DOCK5: variants seen among roughly 807,000 people sequenced by gnomAD.
The protein encoded by DOCK5 is dedicator of cytokinesis 5.
Under a neutral mutation model 251.8 loss-of-function variants are expected in DOCK5, and 142 were observed. The ratio of observed to expected loss-of-function variants is 0.56; its 90% CI spans 0.49 to 0.65. DOCK5 has a LOEUF of 0.65. Ranked by LOEUF, DOCK5 falls within the 30% of genes least tolerant of loss-of-function variation. DOCK5 has a pLI of 0.00. For synonymous variants in DOCK5, 842 were observed against 835.5 expected, an observed-to-expected ratio of 1.01 and a Z score of -0.13; for missense variants, 2,111 against 2,312.3, an observed-to-expected ratio of 0.91 and a Z score of 1.79.
intron 2 of DOCK5, among the ~76,000 whole-genome samples, chr8:25,247,241 C>T (rs1803141160): frequency 6.6e-6 from 1 of 152,026 alleles, no homozygotes; most frequent in Non-Finnish European, 1.5e-5. Context: ...TTTTATGTGA[C>T]CTCAGCGTAT....
At chr8:25,223,605 G>A (rs1379180784) in intron 1 of DOCK5, among the ~76,000 whole-genome samples, 1 of 152,232 alleles carries the variant, frequency 6.6e-6, no homozygotes, top group East Asian at 1.9e-4. Context: ...GTGAGCCACT[G>A]CTTCTGGGAC....
chr8:25,223,903 A>G (rs1265728003), intron 1 of DOCK5, among the ~76,000 whole-genome samples: 1 of 152,212 alleles, frequency 6.6e-6, no homozygotes. Flanking sequence ...CATAACAGAC[A>G]GTTTCCCTGA....
intron 26 of DOCK5, among the ~76,000 whole-genome samples, chr8:25,350,592 CCA>C (rs1450984918): frequency 6.6e-6 from 1 of 152,180 alleles, no homozygotes; most frequent in Non-Finnish European, 1.5e-5. Context: ...TAACAAAATA[CCA>C]CAGACTGCGT....
intron 1 of DOCK5, among the ~76,000 whole-genome samples, chr8:25,218,332 T>C (rs1349166539): frequency 6.6e-6 from 1 of 152,214 alleles, no homozygotes; most frequent in Non-Finnish European, 1.5e-5. Flanking sequence ...CTGATTATCA[T>C]AGGGCATCCC....
At chr8:25,347,144 T>C (rs138811190) in intron 26 of DOCK5, among the ~76,000 whole-genome samples, 1 of 152,346 alleles carries the variant, frequency 6.6e-6, no homozygotes, top group African/African-American at 2.4e-5. Context: ...CCTTTTCCCA[T>C]AGCTAAACCG....
At chr8:25,353,653 G>A (rs1201563296) in intron 27 of DOCK5, among the ~76,000 whole-genome samples, 1 of 151,938 alleles carries the variant, frequency 6.6e-6, no homozygotes, top group East Asian at 1.9e-4. Flanking sequence ...TAATATTGCT[G>A]TTAATCACTT....
rs755068124 is a variant in DOCK5, at chr8:25,382,751, T to C, written c.4104T>C (p.Tyr1368=). ...PQPEYFAVGY[Y]GQGFPSFLRN... is the part of the protein sequence containing the mutation. ...CTGAATACTTTGCTGTTGGATACTA[T>C]GGACAGGGCTTTCCTTCTTTCCTAC... Residue 1368 remains tyrosine, a synonymous_variant, in exon 40 of 52, where the codon TAT becomes TAC. Coordinates refer to ENST00000276440, the MANE Select transcript of DOCK5 (RefSeq NM_024940.8). 20 of 1,613,820 alleles carry C rather than the reference T, an allele frequency of 1.2e-5. No homozygotes were observed. The highest frequency in any genetic ancestry group is 1.6e-5 in the Non-Finnish European group (19 of 1,179,794).
At chr8:25,364,596 G>A in intron 29 of DOCK5, 30 bp from the exon 30 acceptor site, 1 of 1,529,842 alleles carries the variant, frequency 6.5e-7, no homozygotes, top group Non-Finnish European at 9.0e-7. Flanking sequence ...CATACAGTTG[G>A]CTTCTTTATC....
intron 48 of DOCK5, among the ~76,000 whole-genome samples, chr8:25,404,681 A>G (rs1801493984): frequency 6.6e-6 from 1 of 152,144 alleles, no homozygotes; most frequent in African/African-American, 2.4e-5. Context: ...GTGACAATGA[A>G]TAACCTTAAA....
chr8:25,339,019 G>T (rs1300810753), intron 22 of DOCK5, among the ~76,000 whole-genome samples: 1 of 152,110 alleles, frequency 6.6e-6, no homozygotes, highest in Non-Finnish European at 1.5e-5. Flanking sequence ...GTCTGTGATG[G>T]CCTGCGTGTG....
chr8:25,271,087 A>G (rs967729481), intron 3 of DOCK5: 1 of 368,360 alleles, frequency 2.7e-6, no homozygotes. Context: ...AAATCAGTCT[A>G]GCTAATAGTG....
intron 26 of DOCK5, among the ~76,000 whole-genome samples, chr8:25,349,066 C>T (rs1800421582): frequency 6.6e-6 from 1 of 152,014 alleles, no homozygotes; most frequent in African/African-American, 2.4e-5. Flanking sequence ...AAATGGGAAA[C>T]AAGTAAATGA....
intron 1 of DOCK5, among the ~76,000 whole-genome samples, chr8:25,190,458 G>C (rs796885235): frequency 2.0e-5 from 3 of 152,270 alleles, no homozygotes; most frequent in African/African-American, 7.2e-5. Flanking sequence ...ACCATACTAT[G>C]ATATAAAAAT....
intron 45 of DOCK5, among the ~76,000 whole-genome samples, chr8:25,397,840 C>T (rs998209633): frequency 6.6e-6 from 1 of 152,140 alleles, no homozygotes; most frequent in Non-Finnish European, 1.5e-5. Flanking sequence ...TACATACATA[C>T]ATACATACAT....
At chr8:25,293,959 A>C (rs1216942820) in intron 6 of DOCK5, among the ~76,000 whole-genome samples, 1 of 152,140 alleles carries the variant, frequency 6.6e-6, no homozygotes, top group Non-Finnish European at 1.5e-5. Flanking sequence ...AGCCAAGATC[A>C]TGCCACTGCA....
chr8:25,319,529 C>A lies in DOCK5; in HGVS notation c.1444-49C>A, dbSNP rs752638445. 3.5e-6 allele frequency: 5 copies of A among 1,427,266 alleles called. No homozygotes were observed. The South Asian group carries it at 3.7e-5, about 11-fold the overall frequency. The allele number at this position is 1,427,266 out of a possible 1,614,324, so 88.4% of individuals were successfully genotyped here. A position where few individuals can be genotyped will look rare whatever the true frequency, so the allele number is the denominator to read the frequency against. ...GTGCATGGTATATGGGGTCCTCTTA[C>A]TTTTCTAAACAAAATTATTCCCTTC... On this transcript the variant is annotated intron_variant, in intron 14 of 51. Transcript: ENST00000276440.
Position 25,288,970 on chromosome 8 carries a change from A to G in DOCK5, c.322-3054A>G, listed in dbSNP as rs750666402. ...CAGGCTTTGCCTTCTGTGTTTTTTT[A>G]AGATCAGTGGTGTTAACAGAGCATA... On this transcript the variant is annotated intron_variant, in intron 5 of 51. Coordinates refer to ENST00000276440, the MANE Select transcript of DOCK5 (RefSeq NM_024940.8). Among the ~76,000 whole-genome samples the G allele has an allele frequency of 5.5e-4, 84 of 152,312 alleles. 1 individual carries two copies. Among genetic ancestry groups the G allele is most frequent in the Admixed American group, 7.8e-4 (12 of 15,298 alleles).
intron 44 of DOCK5, among the ~76,000 whole-genome samples, chr8:25,393,796 A>G (rs1460040972): frequency 6.6e-6 from 1 of 152,166 alleles, no homozygotes; most frequent in African/African-American, 2.4e-5. Flanking sequence ...AGACCCCGCT[A>G]ACACCATCAG....
intron 2 of DOCK5, among the ~76,000 whole-genome samples, chr8:25,265,784 C>T (rs780443496): frequency 4.6e-5 from 7 of 151,804 alleles, no homozygotes; most frequent in South Asian, 2.1e-4. Flanking sequence ...GCCAGAGAGA[C>T]ATTTGGATAG....
Sources: allele counts gnomAD v4.1 joint callset (sites outside exome capture counted in the v4.1 genomes callset), GRCh38; gene constraint gnomAD v4.1.1; transcripts MANE v1.5; gene names NCBI Gene and HGNC (gene_info 2026-07-23, HGNC 2026-07-21).